Variants in VPS41 observed in about 807,000 individuals in gnomAD.
VPS41 encodes the protein vacuolar protein sorting-associated protein 41 homolog.
Under a neutral mutation model 130.9 loss-of-function variants are expected in VPS41, and 85 were observed. The observed-to-expected ratio is 0.65, with a 90% CI of 0.55 to 0.78. VPS41 has a LOEUF of 0.78. Among genes scored for constraint, VPS41 ranks in the 30% least tolerant of loss-of-function variants. VPS41 has a pLI of 0.00. For missense variants in VPS41, 874 were observed against 1,018.7 expected, an observed-to-expected ratio of 0.86 and a Z score of 1.93; for synonymous variants, 335 against 332.9, an observed-to-expected ratio of 1.01 and a Z score of -0.07.
chr7:38,894,530 T>C (rs935655517), intron 2 of VPS41, among the ~76,000 whole-genome samples: 5 of 152,092 alleles, frequency 3.3e-5, no homozygotes, highest in Admixed American at 1.3e-4. Flanking sequence ...ACCATGACAA[T>C]ATCTAAAATA....
chr7:38,874,657 A>G (rs1432147621), intron 2 of VPS41, among the ~76,000 whole-genome samples: 1 of 152,186 alleles, frequency 6.6e-6, no homozygotes, highest in East Asian at 1.9e-4. Context: ...TAATATCCTC[A>G]AAAGAAATTC....
chr7:38,859,405 G>C (rs1203231694), intron 4 of VPS41, among the ~76,000 whole-genome samples: 2 of 151,892 alleles, frequency 1.3e-5, no homozygotes, highest in Non-Finnish European at 2.9e-5. Context: ...CTCATTCACT[G>C]ACCCACCCAG....
intron 22 of VPS41, among the ~76,000 whole-genome samples, chr7:38,748,605 T>A (rs1042990447): frequency 1.3e-5 from 2 of 151,282 alleles, no homozygotes; most frequent in African/African-American, 4.9e-5. Flanking sequence ...ATAAAACTGA[T>A]GATCTGCTCT....
At chr7:38,763,416 T>C (rs748853169) in intron 17 of VPS41, 39 bp downstream of exon 17, 5 of 1,405,954 alleles carry the variant, frequency 3.6e-6, no homozygotes, top group Admixed American at 2.2e-5. Context: ...ACACCTCCCA[T>C]CGAGAACAAG....
At chr7:38,818,612 C>T (rs771284192) in intron 6 of VPS41, among the ~76,000 whole-genome samples, 3 of 152,166 alleles carry the variant, frequency 2.0e-5, no homozygotes, top group Non-Finnish European at 4.4e-5. Context: ...AAAACAAAAG[C>T]CCTCGTGGCT....
intron 2 of VPS41, among the ~76,000 whole-genome samples, chr7:38,887,929 A>G (rs1786770656): frequency 6.6e-6 from 1 of 152,220 alleles, no homozygotes; most frequent in African/African-American, 2.4e-5. Flanking sequence ...CAGTCAAACT[A>G]AGCTTCATAA....
intron 1 of VPS41, among the ~76,000 whole-genome samples, chr7:38,900,613 T>A (rs1030988539): frequency 6.6e-6 from 1 of 152,142 alleles, no homozygotes; most frequent in Non-Finnish European, 1.5e-5. Context: ...ACACTCTTTC[T>A]CCACACCAGA....
At chr7:38,887,135 C>CA (rs1216705953) in intron 2 of VPS41, among the ~76,000 whole-genome samples, 1 of 152,214 alleles carries the variant, frequency 6.6e-6, no homozygotes, top group South Asian at 2.1e-4. Context: ...CAAAGGAACA[C>CA]AACTCCTCGC....
chr7:38,726,440 G>A (rs1362033176), intron 28 of VPS41, 114 bp from the exon 29 acceptor site: 2 of 745,460 alleles, frequency 2.7e-6, no homozygotes, highest in Non-Finnish European at 4.5e-6. Context: ...TAATAGGATG[G>A]CACTCCTTTC....
chr7:38,838,064 A>C (rs1320685011), intron 4 of VPS41, among the ~76,000 whole-genome samples: 1 of 152,234 alleles, frequency 6.6e-6, no homozygotes, highest in Non-Finnish European at 1.5e-5. Flanking sequence ...ACAGTTCCAT[A>C]ACATTTAATA....
Position 38,817,894 on chromosome 7 carries a change from A to T in VPS41, c.385-12T>A, listed in dbSNP as rs749751088. The stretch of plus-strand genomic sequence containing the variant: ...TGCACAGCAATAATCTACAAGAGAA[A>T]CAGAACCCAACTCTGGTTTAGGAGT... On this transcript the variant is annotated splice_polypyrimidine_tract_variant and intron_variant, in intron 6 of 28. Transcript: ENST00000310301. 6.2e-7 allele frequency: 1 copy of T among 1,612,352 alleles called. No individual in the cohort carries two copies. Among genetic ancestry groups the T allele is most frequent in the South Asian group, 1.1e-5 (1 of 91,046 alleles).
chr7:38,741,199 TGCAAAAA>T, intron 25 of VPS41: 1 of 230,700 alleles, frequency 4.3e-6, no homozygotes. Flanking sequence ...TGGCTTTACC[TGCAAAAA>T]TTGTTTCTAG....
chr7:38,877,415 T>C (rs529800624), intron 2 of VPS41, among the ~76,000 whole-genome samples: 3 of 152,192 alleles, frequency 2.0e-5, no homozygotes, highest in African/African-American at 4.8e-5. Context: ...TAAACTAGAA[T>C]TATAGATAAA....
intron 4 of VPS41, among the ~76,000 whole-genome samples, chr7:38,860,064 T>C (rs1226200458): frequency 2.6e-5 from 4 of 152,230 alleles, no homozygotes; most frequent in African/African-American, 9.6e-5. Context: ...GATGGCCGTA[T>C]AAAACAGAAT....
chr7:38,752,537 G>A (rs1040094120), intron 21 of VPS41, among the ~76,000 whole-genome samples: 31 of 152,090 alleles, frequency 2.0e-4, no homozygotes, highest in Admixed American at 1.8e-3. Flanking sequence ...ACTCTGCCAC[G>A]TACCAACTGT....
chr7:38,869,204 T>G lies in VPS41; in HGVS notation c.110A>C (p.Asn37Thr). 1 of 1,612,910 alleles carries G rather than the reference T, an allele frequency of 6.2e-7. No individual in the cohort carries two copies. The highest frequency in any genetic ancestry group is 8.5e-7 in the Non-Finnish European group (1 of 1,179,194). The change falls in exon 3 of 29, where the codon AAT becomes ACT. Residue 37 changes from asparagine to threonine, a missense_variant. Physicochemically the swap from Asn to Thr is moderately conservative, Grantham distance 65. Coordinates refer to ENST00000310301, the MANE Select transcript of VPS41 (RefSeq NM_014396.4). ...CTTCTGAAGTATTTCAGTTACCCCA[T>G]TGGAAAGCCTTTCATACTTCAGCTT... ...EPKLKYERLS[N>T]GVTEILQKDA...
chr7:38,828,865 G>A (rs1448048547), intron 5 of VPS41, among the ~76,000 whole-genome samples: 1 of 152,082 alleles, frequency 6.6e-6, no homozygotes, highest in Non-Finnish European at 1.5e-5. Context: ...CCACTTTGGT[G>A]CATTAAATAA....
chr7:38,846,862 A>T (rs1434419768), intron 4 of VPS41, among the ~76,000 whole-genome samples: 2 of 152,166 alleles, frequency 1.3e-5, no homozygotes, highest in Non-Finnish European at 2.9e-5. Context: ...GGAGGATAAA[A>T]CGTCACAGAG....
chr7:38,803,632 T>C (rs1049083698), intron 7 of VPS41, among the ~76,000 whole-genome samples: 10 of 152,180 alleles, frequency 6.6e-5, no homozygotes, highest in African/African-American at 2.4e-4. Context: ...GAAAGTCTTG[T>C]TACAAAAGGA....
Sources: allele counts gnomAD v4.1 joint callset (sites outside exome capture counted in the v4.1 genomes callset), GRCh38; gene constraint gnomAD v4.1.1; transcripts MANE v1.5; gene names NCBI Gene and HGNC (gene_info 2026-07-23, HGNC 2026-07-21).